SEMA4D: variants seen among roughly 807,000 people sequenced by gnomAD.
SEMA4D encodes semaphorin 4D.
In SEMA4D, 22 loss-of-function variants were observed where a neutral mutation model predicts 74.8. The observed-to-expected ratio is 0.29, with a 90% CI of 0.21 to 0.42. SEMA4D has a LOEUF of 0.42. Among genes scored for constraint, SEMA4D ranks in the 10% least tolerant of loss-of-function variants. The probability of loss-of-function intolerance (pLI) is 1.00; values close to 1 mark genes in which losing one functional copy is unlikely to be tolerated. For missense variants in SEMA4D, 937 were observed against 1,118.4 expected (o/e 0.84, Z 2.31); for synonymous variants, 445 against 463.7 (o/e 0.96, Z 0.52).
In SEMA4D at chr9:89,386,357, G is replaced by C. The variant is rs200468541; in HGVS notation, c.1446+10C>G. The C allele has an allele frequency of 1.3e-6, 2 of 1,597,818 alleles. No individual in the cohort carries two copies. Among genetic ancestry groups the C allele is most frequent in the Non-Finnish European group, 1.7e-6 (2 of 1,166,812 alleles). ...AGAAGCCCCCGGTCCAGCTGCCTGC[G>C]TCACTTTACCTTCTTTGAAGACAGC... is the stretch of plus-strand genomic sequence containing the variant. On this transcript the variant is annotated intron_variant, in intron 13 of 15. Transcript: ENST00000422704.
chr9:89,362,151 G>C (rs1832808164), exon 19 of SEMA4D: 10 of 599,392 alleles, frequency 1.7e-5, no homozygotes, highest in South Asian at 1.0e-4. Context: ...GTGCCAGACA[G>C]AACTTACTGT....
intron 2 of SEMA4D, among the ~76,000 whole-genome samples, chr9:89,426,093 G>GCATCCCTA (rs1848038912): frequency 6.6e-6 from 1 of 152,192 alleles, no homozygotes; most frequent in African/African-American, 2.4e-5. Flanking sequence ...GTCCGCAGGG[G>GCATCCCTA]GAGCGCATGC....
At chr9:89,369,528 TTC>T (rs1166956392) in intron 16 of SEMA4D, 2 of 152,252 alleles carry the variant, frequency 1.3e-5, no homozygotes, top group Non-Finnish European at 2.9e-5. Context: ...ATCGATCTGT[TTC>T]TGTGTGTGCA....
At chr9:89,391,436 T>C (rs1839849417) in intron 8 of SEMA4D, 21 bp from the exon 9 acceptor site, 3 of 1,613,772 alleles carry the variant, frequency 1.9e-6, no homozygotes, top group African/African-American at 2.7e-5. Flanking sequence ...AGGACAGTGA[T>C]TATCCCAGAA....
chr9:89,390,250 C>G (rs1200462337), intron 9 of SEMA4D, among the ~76,000 whole-genome samples: 2 of 152,200 alleles, frequency 1.3e-5, no homozygotes, highest in African/African-American at 4.8e-5. Flanking sequence ...CTGCCAGGAG[C>G]TCTGGCCCTG....
intron 2 of SEMA4D, among the ~76,000 whole-genome samples, chr9:89,424,867 C>T (rs1847784052): frequency 6.6e-6 from 1 of 152,200 alleles, no homozygotes; most frequent in Non-Finnish European, 1.5e-5. Flanking sequence ...AGGGGACTTA[C>T]AAGGCATGCT....
At chr9:89,412,468 C>T (rs1261923484) in intron 2 of SEMA4D, among the ~76,000 whole-genome samples, 11 of 152,212 alleles carry the variant, frequency 7.2e-5, no homozygotes. Context: ...TATGCGGTTA[C>T]TCAAACTGGT....
Position 89,378,836 on chromosome 9 carries a change from T to C in SEMA4D, c.2457A>G (p.Gln819=). 6.2e-7 allele frequency: 1 copy of C among 1,614,170 alleles called. No individual in the cohort carries two copies. The highest frequency in any genetic ancestry group is 1.1e-5 in the South Asian group (1 of 91,086). ...PALDTGYETE[Q]DTITSKVPTD... Reference sequence around the variant, plus strand: ...TGGGGACTTTGCTGGTGATGGTGTCTTGCTCGGTCTCATAGCCGGTGTCCA... The same window carrying C: ...TGGGGACTTTGCTGGTGATGGTGTCCTGCTCGGTCTCATAGCCGGTGTCCA... The change falls in exon 16 of 16, where the codon CAA becomes CAG. Residue 819 remains glutamine (Q), a synonymous_variant. Coordinates refer to ENST00000422704, the MANE Select transcript of SEMA4D (RefSeq NM_001371194.2).
At chr9:89,441,478 G>C (rs1443370680) in intron 2 of SEMA4D, among the ~76,000 whole-genome samples, 1 of 152,262 alleles carries the variant, frequency 6.6e-6, no homozygotes, top group East Asian at 1.9e-4. Context: ...AGGCAACCCT[G>C]AGCTCTGGCT....
chr9:89,411,124 T>A (rs1420623291), intron 2 of SEMA4D, among the ~76,000 whole-genome samples: 2 of 152,118 alleles, frequency 1.3e-5, no homozygotes, highest in Non-Finnish European at 2.9e-5. Flanking sequence ...GAGGCTCCAA[T>A]GGGGCGGGGC....
Position 89,378,774 on chromosome 9 carries a change from GA to G in SEMA4D, c.2518del (p.Ser840LeufsTer13), listed in dbSNP as rs773868540. 2 of 1,614,134 alleles carry G rather than the reference GA, an allele frequency of 1.2e-6. No individual in the cohort carries two copies. The highest frequency in any genetic ancestry group is 2.7e-5 in the African/African-American group (2 of 74,948). On this transcript the variant is annotated frameshift_variant, in exon 16 of 16. Transcript: ENST00000422704. LOFTEE classifies it high-confidence loss of function. ...GACGTCAAAGGGCTTGTCCCTGGCA[GA>G]AAGGTCGTCGATCCTCTGTGAGTCC... is the stretch of plus-strand genomic sequence containing the variant. ...REDSQRIDDL[S>X]ARDKPFDVKC... is the part of the protein sequence containing the mutation.
intron 4 of SEMA4D, among the ~76,000 whole-genome samples, chr9:89,400,743 T>C (rs557173089): frequency 1.3e-5 from 2 of 151,682 alleles, no homozygotes; most frequent in Non-Finnish European, 2.9e-5. Flanking sequence ...TTGATCACGT[T>C]TGCAGGGATT....
chr9:89,429,749 C>T (rs775799447), intron 2 of SEMA4D, among the ~76,000 whole-genome samples: 1 of 152,232 alleles, frequency 6.6e-6, no homozygotes, highest in Non-Finnish European at 1.5e-5. Context: ...GAGAAGTGCA[C>T]GCTGCTAACA....
At position 89,475,728 on chromosome 9, in the gene SEMA4D, C is replaced by A. The variant is rs572221915; in HGVS notation, c.-309-19775G>T. Reference sequence around the variant, plus strand: ...GTTTACGGTAGAATTCACAGGATGGCACACAGGTCTGATAAGAGCACGCCA... The same window carrying A: ...GTTTACGGTAGAATTCACAGGATGGAACACAGGTCTGATAAGAGCACGCCA... On this transcript the variant is annotated intron_variant, in intron 1 of 15. Coordinates refer to ENST00000422704, the MANE Select transcript of SEMA4D (RefSeq NM_001371194.2). Among the ~76,000 whole-genome samples the A allele has an allele frequency of 7.9e-5, 12 of 152,300 alleles. No homozygotes were observed. The South Asian group carries it at 2.5e-3, about 32-fold the overall frequency.
downstream of SEMA4D, among the ~76,000 whole-genome samples, chr9:89,373,576 C>T (rs543739042): frequency 6.6e-6 from 1 of 152,314 alleles, no homozygotes; most frequent in Admixed American, 6.5e-5. Flanking sequence ...GAAGATGCCA[C>T]GAATGTCCTC....
chr9:89,429,828 C>T (rs982387939), intron 2 of SEMA4D, among the ~76,000 whole-genome samples: 1 of 152,090 alleles, frequency 6.6e-6, no homozygotes, highest in Non-Finnish European at 1.5e-5. Context: ...AAAGAAATTA[C>T]GCGGTTTGCA....
intron 6 of SEMA4D, among the ~76,000 whole-genome samples, chr9:89,395,530 C>T (rs1840770396): frequency 1.3e-5 from 2 of 152,218 alleles, no homozygotes; most frequent in Admixed American, 1.3e-4. Flanking sequence ...GTTTAAATGA[C>T]AGAACTTTAA....
chr9:89,497,653 G>C (rs1433608801), intron 1 of SEMA4D, among the ~76,000 whole-genome samples: 1 of 151,764 alleles, frequency 6.6e-6, no homozygotes, highest in Non-Finnish European at 1.5e-5. Context: ...GCCGGGGAGG[G>C]ATAGCAGAGA....
intron 5 of SEMA4D, 70 bp downstream of exon 5, chr9:89,399,206 G>T: frequency 7.6e-7 from 1 of 1,313,056 alleles, no homozygotes. Context: ...AGGCATGCTG[G>T]CATTCAGTAG....
Sources: gnomAD v4.1 joint callset for allele counts (sites outside exome capture counted in the v4.1 genomes callset) on GRCh38, gnomAD v4.1.1 for gene constraint, MANE v1.5 for transcripts, NCBI Gene and HGNC (gene_info 2026-07-23, HGNC 2026-07-21) for gene names.